The following ALOX5AP variants were observed in gnomAD, a reference collection of about 807,000 sequenced individuals.
ALOX5AP encodes the protein arachidonate 5-lipoxygenase activating protein, also known as arachidonate 5-lipoxygenase-activating protein.
Under a neutral mutation model 18.5 loss-of-function variants are expected in ALOX5AP, and 9 were observed. The observed-to-expected ratio is 0.49, with a 90% CI of 0.29 to 0.85. ALOX5AP has a LOEUF of 0.85. Among genes scored for constraint, ALOX5AP ranks in the 40% least tolerant of loss-of-function variants. ALOX5AP has a pLI of 0.08. For missense variants in ALOX5AP, 172 were observed against 202.5 expected (o/e 0.85, Z 0.91); for synonymous variants, 81 against 78.6 (o/e 1.03, Z -0.16).
intron 1 of ALOX5AP, among the ~76,000 whole-genome samples, chr13:30,722,291 A>G (rs1951600134): frequency 1.3e-5 from 2 of 152,218 alleles, no homozygotes; most frequent in South Asian, 4.1e-4. Flanking sequence ...TGATGGGTAG[A>G]ACAGGAAGAA....
intron 1 of ALOX5AP, among the ~76,000 whole-genome samples, chr13:30,717,010 G>A (rs1951555708): frequency 6.6e-6 from 1 of 152,150 alleles, no homozygotes; most frequent in Non-Finnish European, 1.5e-5. Context: ...TGGTGTCCAG[G>A]GTCTTTACTG....
At chr13:30,720,121 A>G (rs1025730360) in intron 1 of ALOX5AP, among the ~76,000 whole-genome samples, 2 of 152,144 alleles carry the variant, frequency 1.3e-5, no homozygotes, top group African/African-American at 4.8e-5. Context: ...CGGCCTCCCA[A>G]AGTGCTGGGA....
chr13:30,720,242 G>C (rs1186361885), intron 1 of ALOX5AP, among the ~76,000 whole-genome samples: 1 of 152,208 alleles, frequency 6.6e-6, no homozygotes, highest in East Asian at 1.9e-4. Context: ...ATGATACGCT[G>C]TCGGATGCTA....
At chr13:30,755,868 T>G (rs959396394) in intron 3 of ALOX5AP, 76 bp from the exon 4 acceptor site, 3 of 1,408,050 alleles carry the variant, frequency 2.1e-6, no homozygotes, top group Middle Eastern at 1.8e-4. Context: ...GTGACCAATG[T>G]TGATTGCCTA....
At chr13:30,746,765 C>A (rs996032772) in intron 2 of ALOX5AP, among the ~76,000 whole-genome samples, 2 of 152,216 alleles carry the variant, frequency 1.3e-5, no homozygotes, top group African/African-American at 4.8e-5. Flanking sequence ...AAGCTTTCCT[C>A]ATTTTTAATA....
chr13:30,725,551 G>A lies in ALOX5AP; in HGVS notation c.117-10000G>A, dbSNP rs190848357. 7.9e-5 allele frequency among the ~76,000 whole-genome samples: 12 copies of A among 152,312 alleles called. No individual in the cohort carries two copies. The East Asian group carries it at 1.4e-3, about 17-fold the overall frequency. Reference sequence around the variant, plus strand: ...TCAGCCTGCCAAGATAGAAATCTACGCCAATATGGCACCATTCCCTGGGCT... The same window carrying A: ...TCAGCCTGCCAAGATAGAAATCTACACCAATATGGCACCATTCCCTGGGCT... On this transcript the variant is annotated intron_variant, in intron 1 of 5. Transcript: ENST00000617770.
chr13:30,728,688 A>G (rs899173547), intron 1 of ALOX5AP, among the ~76,000 whole-genome samples: 1 of 152,144 alleles, frequency 6.6e-6, no homozygotes, highest in African/African-American at 2.4e-5. Context: ...GTCTGTACAA[A>G]ATAAAAAATA....
At chr13:30,720,139 C>A (rs984306005) in intron 1 of ALOX5AP, among the ~76,000 whole-genome samples, 1 of 152,204 alleles carries the variant, frequency 6.6e-6, no homozygotes, top group Admixed American at 6.5e-5. Context: ...GGATTACAGG[C>A]GTGAGCCACC....
intron 1 of ALOX5AP, among the ~76,000 whole-genome samples, chr13:30,739,373 C>G (rs1951745075): frequency 6.6e-6 from 1 of 152,204 alleles, no homozygotes; most frequent in African/African-American, 2.4e-5. Flanking sequence ...CCCCTGCACC[C>G]AGGACACTGC....
In ALOX5AP at chr13:30,756,043, CT is replaced by C; in HGVS notation, c.323+19del. The C allele has an allele frequency of 6.2e-7, 1 of 1,609,942 alleles. No homozygotes were observed. Among genetic ancestry groups the C allele is most frequent in the Non-Finnish European group, 8.5e-7 (1 of 1,176,236 alleles). ...ACGCAGAGGTAGGTAACTGGGACTA[CT>C]AAAGAACTGTGGAGCGATTCCTGAT... On this transcript the variant is annotated intron_variant, in intron 4 of 4. Transcript: ENST00000380490.
chr13:30,763,062 C>T (rs925450905), intron 4 of ALOX5AP, among the ~76,000 whole-genome samples: 4 of 152,196 alleles, frequency 2.6e-5, no homozygotes, highest in African/African-American at 9.6e-5. Flanking sequence ...AATCCCAGCA[C>T]TTTGGGAGGC....
At chr13:30,758,458 G>A (rs528678990) in intron 4 of ALOX5AP, among the ~76,000 whole-genome samples, 6 of 152,270 alleles carry the variant, frequency 3.9e-5, no homozygotes, top group African/African-American at 1.2e-4. Context: ...CAGATGGTCC[G>A]TTGCCCCTTT....
At chr13:30,734,240 T>C (rs1175868320), upstream of ALOX5AP, among the ~76,000 whole-genome samples, 1 of 152,206 alleles carries the variant, frequency 6.6e-6, no homozygotes, top group Non-Finnish European at 1.5e-5. Context: ...CCCTGGCTGC[T>C]GGCTTCCCCG....
At chr13:30,730,841 G>T (rs372499608), upstream of ALOX5AP, among the ~76,000 whole-genome samples, 1 of 152,174 alleles carries the variant, frequency 6.6e-6, no homozygotes, top group African/African-American at 2.4e-5. Context: ...TCACTGCTTG[G>T]CCCCAGCTGT....
At chr13:30,734,611 C>G (rs1385975770), upstream of ALOX5AP, among the ~76,000 whole-genome samples, 1 of 152,210 alleles carries the variant, frequency 6.6e-6, no homozygotes, top group Non-Finnish European at 1.5e-5. Flanking sequence ...TATACTTTCT[C>G]AGAAAGCACA....
intron 1 of ALOX5AP, among the ~76,000 whole-genome samples, chr13:30,741,831 G>GTTTTTTTTTTTTTT (rs770976174): frequency 1.5e-5 from 2 of 133,954 alleles, no homozygotes; most frequent in East Asian, 2.1e-4. Flanking sequence ...ATGGTTTTCT[G>GTTTTTTTTTTTTTT]TTTTTTTTTT....
intron 1 of ALOX5AP, among the ~76,000 whole-genome samples, chr13:30,743,014 G>C (rs958241293): frequency 1.3e-5 from 2 of 151,854 alleles, no homozygotes; most frequent in African/African-American, 2.4e-5. Context: ...CCACACTAAA[G>C]ACAGGGTGGC....
chr13:30,737,267 C>T (rs1276977788), intron 1 of ALOX5AP, among the ~76,000 whole-genome samples: 1 of 152,216 alleles, frequency 6.6e-6, no homozygotes, highest in Non-Finnish European at 1.5e-5. Flanking sequence ...CTGTGGGAAG[C>T]TTCAGAGCTC....
At chr13:30,734,717 G>C (rs952152987), upstream of ALOX5AP, among the ~76,000 whole-genome samples, 4 of 152,216 alleles carry the variant, frequency 2.6e-5, no homozygotes, top group Non-Finnish European at 5.9e-5. Flanking sequence ...TTCCCTTAGG[G>C]ATCATCTGTA....
Sources: gnomAD v4.1 joint callset for allele counts (sites outside exome capture counted in the v4.1 genomes callset) on GRCh38, gnomAD v4.1.1 for gene constraint, MANE v1.5 for transcripts, NCBI Gene and HGNC (gene_info 2026-07-23, HGNC 2026-07-21) for gene names.